The following APOOL variants were observed in gnomAD, a reference collection of about 807,000 sequenced individuals.
The protein encoded by APOOL is MICOS complex subunit MIC27.
Under a neutral mutation model 23.1 loss-of-function variants are expected in APOOL, and 12 were observed. That is an observed-to-expected ratio of 0.52 (90% CI 0.33 to 0.84). The LOEUF (loss-of-function observed/expected upper bound fraction) is 0.84. Ranked by LOEUF, APOOL falls within the 40% of genes least tolerant of loss-of-function variation. The pLI, the probability that APOOL is intolerant of heterozygous loss-of-function variation, is 0.02. For missense variants in APOOL, 212 were observed against 199.6 expected, an observed-to-expected ratio of 1.06 and a Z score of -0.37; for synonymous variants, 77 against 69.9, an observed-to-expected ratio of 1.10 and a Z score of -0.51.
At chrX:85,015,206 G>A (rs928367062) in intron 1 of APOOL, among the ~76,000 whole-genome samples, 3 of 110,778 alleles carry the variant, frequency 2.7e-5, no homozygotes, top group South Asian at 3.8e-4. Context: ...CTATTTCTAT[G>A]GAAAAGGTTT....
chrX:85,008,917 A>G (rs892140872), intron 1 of APOOL, among the ~76,000 whole-genome samples: 36 of 110,980 alleles, frequency 3.2e-4, no homozygotes, highest in African/African-American at 1.1e-3. Flanking sequence ...TGTATCTTCA[A>G]TTTTTTCCAT....
intron 5 of APOOL, among the ~76,000 whole-genome samples, chrX:85,060,857 T>C (rs1316979763): frequency 9.0e-6 from 1 of 111,431 alleles, no homozygotes; most frequent in Non-Finnish European, 1.9e-5. Context: ...CTTTTCCTAA[T>C]TGAATACCCT....
chrX:85,058,308 G>A (rs759883651), intron 5 of APOOL, among the ~76,000 whole-genome samples: 2 of 110,433 alleles, frequency 1.8e-5, no homozygotes, highest in African/African-American at 6.6e-5. Flanking sequence ...CCACTTATAA[G>A]TGAGAATGTG....
intron 1 of APOOL, among the ~76,000 whole-genome samples, chrX:85,011,594 G>A (rs1921283170): frequency 9.0e-6 from 1 of 111,337 alleles, no homozygotes; most frequent in African/African-American, 3.3e-5. Context: ...GTTGAACAGG[G>A]TGTGTGTGCT....
At chrX:85,033,173 A>C (rs1183584029) in intron 1 of APOOL, among the ~76,000 whole-genome samples, 1 of 112,025 alleles carries the variant, frequency 8.9e-6, no homozygotes, top group East Asian at 2.8e-4. Context: ...GCCTTTTTCC[A>C]AGTGTTTTTC....
chrX:85,021,341 C>T (rs1036594719), intron 1 of APOOL, among the ~76,000 whole-genome samples: 2 of 112,029 alleles, frequency 1.8e-5, no homozygotes, highest in Admixed American at 1.9e-4. Context: ...GACACAGGCT[C>T]CAGGCCTGTC....
chrX:85,057,640 T>TATAC (rs1342976552), intron 5 of APOOL, among the ~76,000 whole-genome samples: 1 of 107,125 alleles, frequency 9.3e-6, no homozygotes, highest in Admixed American at 1.0e-4. Context: ...GAATGGATGA[T>TATAC]ATATATCTCA....
intron 8 of APOOL, among the ~76,000 whole-genome samples, chrX:85,078,900 A>T (rs112652996): frequency 9.9e-5 from 11 of 110,941 alleles, no homozygotes; most frequent in African/African-American, 3.6e-4. Context: ...TTGTCTGTTA[A>T]TGGTGTATAA....
intron 1 of APOOL, among the ~76,000 whole-genome samples, chrX:85,020,729 A>G (rs765476364): frequency 9.0e-6 from 1 of 111,571 alleles, no homozygotes; most frequent in Non-Finnish European, 1.9e-5. Context: ...CTTAGTCATC[A>G]GGCTACCATG....
chrX:85,039,226 G>A (rs1156577157), intron 1 of APOOL, among the ~76,000 whole-genome samples: 1 of 107,925 alleles, frequency 9.3e-6, no homozygotes, highest in Non-Finnish European at 1.9e-5. Flanking sequence ...AGAGATTTTG[G>A]TATCGACTTT....
intron 1 of APOOL, among the ~76,000 whole-genome samples, chrX:85,006,273 A>T (rs1316157391): frequency 1.8e-5 from 2 of 111,391 alleles, no homozygotes; most frequent in African/African-American, 6.5e-5. Flanking sequence ...TGATTTACAT[A>T]TATTATTTTA....
At position 85,088,329 on chromosome X, in the gene APOOL, T is replaced by G. The variant is rs1356330466; in HGVS notation, c.*651T>G. ...GTGTTTCCCTCTGTTTTTTTTTTTTTTTTTTTTTTTTTTTTTCCCATTTCC... is the reference window on the plus strand; with the variant it reads ...GTGTTTCCCTCTGTTTTTTTTTTTTGTTTTTTTTTTTTTTTTCCCATTTCC... On this transcript the variant is annotated 3_prime_UTR_variant, in exon 9 of 9. Transcript: ENST00000373173. The G allele has an allele frequency of 1.3e-5, 1 of 79,422 alleles. No homozygotes were observed. The highest frequency in any genetic ancestry group is 2.3e-5 in the Non-Finnish European group (1 of 42,628). 6.5% of individuals were successfully genotyped at this position (79,422 alleles called of 1,213,427 possible). A position where few individuals can be genotyped will look rare whatever the true frequency, so the allele number is the denominator to read the frequency against.
At chrX:85,011,825 G>C (rs1921297082) in intron 1 of APOOL, among the ~76,000 whole-genome samples, 1 of 111,327 alleles carries the variant, frequency 9.0e-6, no homozygotes, top group African/African-American at 3.3e-5. Context: ...AGCTATGTGG[G>C]CTCTTTTTTG....
At position 85,007,618 on chromosome X, in the gene APOOL, G is replaced by A. The variant is rs192432890; in HGVS notation, c.15+3691G>A. 5.3e-3 allele frequency among the ~76,000 whole-genome samples: 585 copies of A among 110,895 alleles called. 3 individuals carry two copies. The highest frequency in any genetic ancestry group is 8.0e-3 in the Non-Finnish European group (425 of 52,898). On this transcript the variant is annotated intron_variant, in intron 1 of 8. Transcript: ENST00000373173. ...GGAGATCATGGTGCTTGAGAAGCAA[G>A]GACTGTGCTGATCTCTCGGGTCTTC...
intron 2 of APOOL, among the ~76,000 whole-genome samples, chrX:85,047,051 C>T (rs1246017907): frequency 3.6e-5 from 4 of 110,924 alleles, no homozygotes; most frequent in Admixed American, 9.7e-5. Flanking sequence ...TTTCTAAATC[C>T]TCTCATTTAA....
At chrX:85,052,747 A>G (rs760251619) in intron 3 of APOOL, among the ~76,000 whole-genome samples, 2 of 111,409 alleles carry the variant, frequency 1.8e-5, no homozygotes, top group Non-Finnish European at 3.8e-5. Flanking sequence ...AGAGGGAAAT[A>G]CCTTAACCAA....
chrX:85,030,127 T>C lies in APOOL; in HGVS notation c.16-16319T>C, dbSNP rs750378594. Among the ~76,000 whole-genome samples the C allele has an allele frequency of 7.2e-5, 8 of 111,712 alleles. No individual in the cohort carries two copies. In the East Asian group the frequency reaches 8.4e-4, roughly 12 times the overall value. On this transcript the variant is annotated intron_variant, in intron 1 of 8. Transcript: ENST00000373173. The stretch of plus-strand genomic sequence containing the variant: ...ACCTAAATGCCCATCAACCAATGAA[T>C]AGATCAAGAAAATGTGGTATATATA...
At chrX:85,081,116 T>G (rs940489571) in intron 8 of APOOL, among the ~76,000 whole-genome samples, 4 of 111,845 alleles carry the variant, frequency 3.6e-5, no homozygotes, top group Non-Finnish European at 7.5e-5. Context: ...TTGTTATGTG[T>G]GAATTTGATC....
At chrX:85,021,324 A>G (rs949291303) in intron 1 of APOOL, among the ~76,000 whole-genome samples, 1 of 111,215 alleles carries the variant, frequency 9.0e-6, no homozygotes, top group Non-Finnish European at 1.9e-5. Context: ...TCCAGCCAAC[A>G]CCAGCAGACA....
Sources: gnomAD v4.1 joint callset for allele counts (sites outside exome capture counted in the v4.1 genomes callset) on GRCh38, gnomAD v4.1.1 for gene constraint, MANE v1.5 for transcripts, NCBI Gene and HGNC (gene_info 2026-07-23, HGNC 2026-07-21) for gene names.